GLIS3: variants seen among roughly 807,000 people sequenced by gnomAD.
GLIS3 encodes the protein GLIS family zinc finger 3.
Under a neutral mutation model 78.6 loss-of-function variants are expected in GLIS3, and 53 were observed. That is an observed-to-expected ratio of 0.67 (90% confidence interval 0.54 to 0.85). GLIS3 has a LOEUF of 0.85. Ranked by LOEUF, GLIS3 falls within the 40% of genes least tolerant of loss-of-function variation. The probability of loss-of-function intolerance (pLI) is 0.00; values close to 1 mark genes in which losing one functional copy is unlikely to be tolerated. For synonymous variants in GLIS3, 684 were observed against 509.9 expected (o/e 1.34, Z -4.60); for missense variants, 1,703 against 1,231.1 (o/e 1.38, Z -5.74).
intron 8 of GLIS3, among the ~76,000 whole-genome samples, chr9:3,859,267 T>C (rs1350598394): frequency 6.6e-6 from 1 of 152,082 alleles, no homozygotes; most frequent in East Asian, 1.9e-4. Flanking sequence ...TAAACTGTTT[T>C]CACTATTGTT....
chr9:4,229,790 T>C (rs1822097123), intron 2 of GLIS3, among the ~76,000 whole-genome samples: 1 of 152,230 alleles, frequency 6.6e-6, no homozygotes, highest in South Asian at 2.1e-4. Context: ...AATTTATACT[T>C]GAATACACAT....
intron 2 of GLIS3, among the ~76,000 whole-genome samples, chr9:4,171,765 T>C (rs1043863256): frequency 6.6e-6 from 1 of 152,202 alleles, no homozygotes; most frequent in African/African-American, 2.4e-5. Context: ...GGTTAGGCAT[T>C]GCAGATTTAT....
chr9:4,125,083 C>T lies in GLIS3; in HGVS notation c.596+651G>A, dbSNP rs186496781. Among the ~76,000 whole-genome samples, 235 of 152,280 alleles carry T rather than the reference C, an allele frequency of 1.5e-3. 2 individuals are homozygous for T. Among genetic ancestry groups the T allele is most frequent in the African/African-American group, 5.1e-3 (213 of 41,562 alleles). On this transcript the variant is annotated intron_variant, in intron 3 of 10. Coordinates refer to ENST00000381971, the MANE Select transcript of GLIS3 (RefSeq NM_001042413.2). Reference sequence around the variant, plus strand: ...CCCTCCCTTGGAGATAGACACATGGCATTTATAGTACCTACTTACTATGGA... The same window carrying T: ...CCCTCCCTTGGAGATAGACACATGGTATTTATAGTACCTACTTACTATGGA...
the GLIS3 span, among the ~76,000 whole-genome samples, chr9:4,369,601 C>T: frequency 6.6e-6 from 1 of 152,194 alleles, no homozygotes. Context: ...CCTCCCCTGG[C>T]TGTAGGCCCT....
chr9:4,428,370 T>G, the GLIS3 span, among the ~76,000 whole-genome samples: 8 of 151,022 alleles, frequency 5.3e-5, no homozygotes, highest in South Asian at 1.7e-3. Flanking sequence ...TCCCAGATAC[T>G]TGGGAGGCTG....
At chr9:3,845,225 A>G (rs947046201) in intron 9 of GLIS3, among the ~76,000 whole-genome samples, 1 of 152,234 alleles carries the variant, frequency 6.6e-6, no homozygotes, top group African/African-American at 2.4e-5. Context: ...AGAGCTGTAC[A>G]ATTAAGAAGA....
chr9:3,994,820 G>T (rs533974657), intron 4 of GLIS3, among the ~76,000 whole-genome samples: 18 of 152,250 alleles, frequency 1.2e-4, no homozygotes, highest in African/African-American at 4.1e-4. Flanking sequence ...ATCTAAAAAT[G>T]GCGGCTAAAG....
chr9:4,460,864 G>A, the GLIS3 span, among the ~76,000 whole-genome samples: 20 of 152,214 alleles, frequency 1.3e-4, no homozygotes, highest in African/African-American at 4.6e-4. Flanking sequence ...GAGCTTTAAC[G>A]CCAAATGAGC....
At chr9:4,238,275 A>C (rs1456840539) in intron 2 of GLIS3, among the ~76,000 whole-genome samples, 3 of 150,042 alleles carry the variant, frequency 2.0e-5, no homozygotes, top group Non-Finnish European at 4.4e-5. Context: ...CTCAGTATTT[A>C]ATCCTCCCCC....
At chr9:3,923,409 T>C (rs192953091) in intron 6 of GLIS3, among the ~76,000 whole-genome samples, 1 of 152,068 alleles carries the variant, frequency 6.6e-6, no homozygotes, top group Admixed American at 6.6e-5. Flanking sequence ...ATATAGAGCA[T>C]AGAGACGAAT....
chr9:3,896,883 G>A (rs182781078), intron 7 of GLIS3, among the ~76,000 whole-genome samples: 109 of 152,170 alleles, frequency 7.2e-4, no homozygotes, highest in Admixed American at 3.3e-3. Context: ...TACCACAGCC[G>A]GAGGCTCTAA....
the GLIS3 span, among the ~76,000 whole-genome samples, chr9:4,414,852 C>G: frequency 6.6e-6 from 1 of 152,034 alleles, no homozygotes; most frequent in African/African-American, 2.4e-5. Context: ...TTGTCTTCAC[C>G]GAGAATCCTG....
the GLIS3 span, among the ~76,000 whole-genome samples, chr9:4,461,051 T>C: frequency 6.6e-6 from 1 of 152,212 alleles, no homozygotes; most frequent in African/African-American, 2.4e-5. Context: ...TTGGAGATGT[T>C]CTCTTATTTT....
rs12377003 is a variant in GLIS3, at chr9:4,090,445, C to T, written c.1710+27323G>A. 4.4e-3 allele frequency among the ~76,000 whole-genome samples: 649 copies of T among 148,920 alleles called. 1 individual carries two copies. The highest frequency in any genetic ancestry group is 5.8e-3 in the Non-Finnish European group (386 of 66,794). ...ATCTGTAGTTTAGCCTTCTTTGGGACTTAAAGTTTAAAAAAAAAAAAAAAT... is the reference window on the plus strand; with the variant it reads ...ATCTGTAGTTTAGCCTTCTTTGGGATTTAAAGTTTAAAAAAAAAAAAAAAT... On this transcript the variant is annotated intron_variant, in intron 4 of 10. Transcript: ENST00000381971.
the GLIS3 span, among the ~76,000 whole-genome samples, chr9:4,452,063 G>A: frequency 6.6e-6 from 1 of 151,776 alleles, no homozygotes; most frequent in African/African-American, 2.4e-5. Context: ...CAGAATCAAT[G>A]ACAAAAACGA....
At chr9:4,236,993 T>C (rs1822818784) in intron 2 of GLIS3, among the ~76,000 whole-genome samples, 1 of 152,144 alleles carries the variant, frequency 6.6e-6, no homozygotes, top group Non-Finnish European at 1.5e-5. Context: ...TAGGGAATCC[T>C]TCACTCTGTA....
At chr9:3,998,306 C>T (rs1400870898) in intron 4 of GLIS3, among the ~76,000 whole-genome samples, 1 of 152,130 alleles carries the variant, frequency 6.6e-6, no homozygotes, top group African/African-American at 2.4e-5. Flanking sequence ...AATGAGGTGT[C>T]ATTCTCCAGA....
At chr9:4,300,311 C>T (rs1817012647), upstream of GLIS3, among the ~76,000 whole-genome samples, 1 of 144,606 alleles carries the variant, frequency 6.9e-6, no homozygotes, top group African/African-American at 2.6e-5. Flanking sequence ...ACTTCGCCTT[C>T]TTCCTGGCCT....
At chr9:4,045,754 C>G (rs1048727162) in intron 4 of GLIS3, among the ~76,000 whole-genome samples, 3 of 152,118 alleles carry the variant, frequency 2.0e-5, no homozygotes, top group African/African-American at 7.2e-5. Flanking sequence ...AACACAGTCT[C>G]GCAATCACAG....
Sources: gnomAD v4.1 joint callset for allele counts (sites outside exome capture counted in the v4.1 genomes callset) on GRCh38, gnomAD v4.1.1 for gene constraint, MANE v1.5 for transcripts, NCBI Gene and HGNC (gene_info 2026-07-23, HGNC 2026-07-21) for gene names.